Variants in LYPLA1 observed in about 807,000 individuals in gnomAD.
The protein encoded by LYPLA1 is lysophospholipase 1.
In LYPLA1, 17 loss-of-function variants were observed where a neutral mutation model predicts 34.0. That is an observed-to-expected ratio of 0.50 (90% CI 0.34 to 0.75). The LOEUF (loss-of-function observed/expected upper bound fraction) is 0.75. LYPLA1 is among the 30% of genes least tolerant of loss of function. LYPLA1 has a pLI of 0.01. For synonymous variants in LYPLA1, 98 were observed against 100.8 expected (o/e 0.97, Z 0.17); for missense variants, 203 against 288.8 (o/e 0.70, Z 2.15).
Position 54,061,179 on chromosome 8 carries a change from C to G in LYPLA1, c.286+1075G>C, listed in dbSNP as rs989747794. Among the ~76,000 whole-genome samples, 3 of 152,082 alleles carry G rather than the reference C, an allele frequency of 2.0e-5. No individual in the cohort carries two copies. In the East Asian group the frequency reaches 5.8e-4, roughly 29 times the overall value. On this transcript the variant is annotated intron_variant, in intron 5 of 8. Coordinates refer to ENST00000316963, the MANE Select transcript of LYPLA1 (RefSeq NM_006330.4). ...CACTGAAACCTCTGCCTCCTGGGTT[C>G]AAGCGATTCTCCTGCCTCGGCCTCC...
At chr8:54,081,968 GA>G (rs1324800555) in intron 2 of LYPLA1, among the ~76,000 whole-genome samples, 1 of 152,128 alleles carries the variant, frequency 6.6e-6, no homozygotes, top group Non-Finnish European at 1.5e-5. Flanking sequence ...GACCTCAGGT[GA>G]TCCGCCCGCC....
chr8:54,059,226 T>C (rs1806424759), intron 5 of LYPLA1, among the ~76,000 whole-genome samples: 1 of 152,220 alleles, frequency 6.6e-6, no homozygotes, highest in Non-Finnish European at 1.5e-5. Flanking sequence ...ATCTACTTTT[T>C]AATGATCCCA....
At chr8:54,066,486 G>T (rs1000528146) in intron 2 of LYPLA1, among the ~76,000 whole-genome samples, 15 of 151,860 alleles carry the variant, frequency 9.9e-5, no homozygotes, top group Non-Finnish European at 1.5e-5. Flanking sequence ...TTTACACAAA[G>T]AAAAAAAGCC....
intron 2 of LYPLA1, chr8:54,073,551 T>C (rs1479555758): frequency 1.6e-6 from 1 of 632,840 alleles, no homozygotes; most frequent in African/African-American, 1.8e-5. Context: ...TCTGCTTTTC[T>C]ATACAAAGTT....
intron 2 of LYPLA1, among the ~76,000 whole-genome samples, chr8:54,079,629 C>T (rs1038412290): frequency 6.6e-6 from 1 of 151,964 alleles, no homozygotes; most frequent in Non-Finnish European, 1.5e-5. Context: ...GTGGCGAATC[C>T]CCCATATCTA....
At chr8:54,082,770 A>T (rs993340463) in intron 2 of LYPLA1, among the ~76,000 whole-genome samples, 4 of 152,046 alleles carry the variant, frequency 2.6e-5, no homozygotes, top group Non-Finnish European at 1.5e-5. Flanking sequence ...TCTCTTGCCC[A>T]GGCTAGAGTG....
intron 2 of LYPLA1, among the ~76,000 whole-genome samples, chr8:54,096,516 A>G (rs1809694483): frequency 6.6e-6 from 1 of 152,124 alleles, no homozygotes. Context: ...AGGAGGGCAG[A>G]TTACGAGGTC....
chr8:54,044,794 A>G (rs1347147049), downstream of LYPLA1: 1 of 152,178 alleles, frequency 6.6e-6, no homozygotes, highest in Non-Finnish European at 1.5e-5. Context: ...AATAAAAAAA[A>G]TAAGGGTGAA....
intron 2 of LYPLA1, among the ~76,000 whole-genome samples, chr8:54,089,541 T>C (rs983681690): frequency 1.3e-5 from 2 of 149,376 alleles, no homozygotes; most frequent in African/African-American, 5.0e-5. Flanking sequence ...AACACTAATA[T>C]GTATGTATTA....
chr8:54,095,277 A>G (rs919897523), intron 2 of LYPLA1, among the ~76,000 whole-genome samples: 1 of 152,162 alleles, frequency 6.6e-6, no homozygotes, highest in African/African-American at 2.4e-5. Context: ...AATTACAGGC[A>G]TGAGCCACTG....
chr8:54,077,107 A>C (rs1432986720), intron 2 of LYPLA1, among the ~76,000 whole-genome samples: 1 of 152,182 alleles, frequency 6.6e-6, no homozygotes, highest in African/African-American at 2.4e-5. Flanking sequence ...CATCAGCGGC[A>C]AACGGGATAA....
chr8:54,085,918 C>A (rs1586161242), intron 2 of LYPLA1, among the ~76,000 whole-genome samples: 1 of 152,104 alleles, frequency 6.6e-6, no homozygotes, highest in Non-Finnish European at 1.5e-5. Context: ...CCGGCCTCCA[C>A]CCTGTCTGGG....
In LYPLA1 at chr8:54,055,116, GATCA is replaced by G. The variant is rs774850782; in HGVS notation, c.300_303del (p.Asp101LysfsTer3). On this transcript the variant is annotated frameshift_variant, in exon 6 of 9. Coordinates refer to ENST00000316963, the MANE Select transcript of LYPLA1 (RefSeq NM_006330.4). LOFTEE classifies it high-confidence loss of function. ...GAAGGAATGCCATTCTTCACTTCTT[GATCA>G]ATCAAAGCTTTTACTAAAAACAACA... 1 of 1,607,092 alleles carries G rather than the reference GATCA, an allele frequency of 6.2e-7. No individual in the cohort carries two copies. The highest frequency in any genetic ancestry group is 1.3e-5 in the African/African-American group (1 of 74,852).
At chr8:54,076,117 G>A (rs1174587585) in intron 2 of LYPLA1, among the ~76,000 whole-genome samples, 1 of 152,310 alleles carries the variant, frequency 6.6e-6, no homozygotes, top group East Asian at 1.9e-4. Context: ...CCTGCTCTAG[G>A]AGCTTAACAT....
intron 5 of LYPLA1, among the ~76,000 whole-genome samples, chr8:54,057,983 T>C (rs182043434): frequency 6.6e-6 from 1 of 152,302 alleles, no homozygotes; most frequent in African/African-American, 2.4e-5. Flanking sequence ...AATTAAAACT[T>C]CAATAATTTC....
At chr8:54,048,203 A>G (rs1805602434) in intron 8 of LYPLA1, 85 bp from the exon 9 acceptor site, 1 of 799,594 alleles carries the variant, frequency 1.3e-6, no homozygotes, top group East Asian at 2.5e-5. Context: ...AATCAAATCT[A>G]TGGTATGCAT....
At chr8:54,054,048 T>C (rs1349812918) in intron 6 of LYPLA1, among the ~76,000 whole-genome samples, 1 of 152,212 alleles carries the variant, frequency 6.6e-6, no homozygotes, top group East Asian at 1.9e-4. Flanking sequence ...TGGTGCGATC[T>C]TGGCTCACTG....
At chr8:54,079,772 G>T (rs1297010338) in intron 2 of LYPLA1, among the ~76,000 whole-genome samples, 1 of 151,982 alleles carries the variant, frequency 6.6e-6, no homozygotes, top group Non-Finnish European at 1.5e-5. Context: ...TCCAGCCTGG[G>T]CAACAGACTG....
chr8:54,083,514 CAAT>C lies in LYPLA1; in HGVS notation c.101+17391_101+17393del, dbSNP rs1808463265. ...TCAAGAAATATTAAACAACAGGGGT[CAAT>C]AATTGTTTTCTGCAAAGGACCAAAA... On this transcript the variant is annotated intron_variant, in intron 2 of 8. Coordinates refer to ENST00000316963, the MANE Select transcript of LYPLA1 (RefSeq NM_006330.4). Among the ~76,000 whole-genome samples, 3 of 152,022 alleles carry C rather than the reference CAAT, an allele frequency of 2.0e-5. No homozygotes were observed. The South Asian group carries it at 6.2e-4, about 32-fold the overall frequency.
Sources: allele counts gnomAD v4.1 joint callset (sites outside exome capture counted in the v4.1 genomes callset), GRCh38; gene constraint gnomAD v4.1.1; transcripts MANE v1.5; gene names NCBI Gene and HGNC (gene_info 2026-07-23, HGNC 2026-07-21).